Variants in P3H1 observed in about 807,000 individuals in gnomAD.
The protein encoded by P3H1 is prolyl 3-hydroxylase 1.
Under a neutral mutation model 84.0 loss-of-function variants are expected in P3H1, and 69 were observed. The observed-to-expected ratio is 0.82, with a 90% CI of 0.68 to 1.00. The LOEUF is 1.00. Among genes scored for constraint, P3H1 ranks in the 50% least tolerant of loss-of-function variants. The pLI, the probability that P3H1 is intolerant of heterozygous loss-of-function variation, is 0.00. For missense variants in P3H1, 878 were observed against 962.8 expected (o/e 0.91, Z 1.17); for synonymous variants, 366 against 388.8 (o/e 0.94, Z 0.69).
chr1:42,765,553 G>GC (rs1206683220), intron 1 of P3H1, among the ~76,000 whole-genome samples: 13 of 151,946 alleles, frequency 8.6e-5, no homozygotes, highest in Admixed American at 3.3e-4. Context: ...AAGACATAAC[G>GC]CAATTATTTT....
chr1:42,762,183 G>A, intron 2 of P3H1, 140 bp downstream of exon 2: 1 of 818,160 alleles, frequency 1.2e-6, no homozygotes, highest in South Asian at 1.4e-5. Flanking sequence ...AGACTAGAGG[G>A]TCTCTTGAGT....
At chr1:42,762,087 A>C (rs1250238112) in intron 2 of P3H1, 1 of 497,782 alleles carries the variant, frequency 2.0e-6, no homozygotes, top group African/African-American at 1.9e-5. Context: ...TTACTTCTGT[A>C]ATGTAATTAG....
rs1336489716 is a variant in P3H1 at position 42,747,291 on chromosome 1, T to C, written c.2036A>G (p.Asp679Gly). Residue 679 changes from aspartate (D) to glycine (G), a missense_variant, in exon 14 of 15, where the codon GAC (aspartate) becomes GGC (glycine). By Grantham distance (94) the Asp-to-Gly change is moderately conservative (BLOSUM62 -1). Transcript: ENST00000296388. ...TCTCACCCGCTCGCTGTGTCGAGGG[T>C]CCAGGGTGAACCACAGGGCGATGGC... Reference protein sequence around the residue: ...RCAIALWFTLDPRHSERDRVQ... With the variant: ...RCAIALWFTLGPRHSERDRVQ... 6.2e-7 allele frequency: 1 copy of C among 1,613,568 alleles called. No individual in the cohort carries two copies. Among genetic ancestry groups the C allele is most frequent in the South Asian group, 1.1e-5 (1 of 91,072 alleles).
chr1:42,753,181 C>G (rs184460340), intron 8 of P3H1, among the ~76,000 whole-genome samples: 32 of 152,250 alleles, frequency 2.1e-4, no homozygotes, highest in African/African-American at 7.5e-4. Context: ...GTTTGGCTAC[C>G]ATGGTATCAT....
chr1:42,766,807 G>T lies in P3H1; in HGVS notation c.165C>A (p.Val55=), dbSNP rs1188213532. 1.2e-6 allele frequency: 2 copies of T among 1,603,338 alleles called. No homozygotes were observed. The highest frequency in any genetic ancestry group is 1.7e-6 in the Non-Finnish European group (2 of 1,179,514). ...AGCGCAGCGCCCGTTCCATGCTCAG[G>T]ACCACCCCGGGCCAGTCCCCGCGCG... The part of the protein sequence containing the change: ...AYARGDWPGV[V]LSMERALRSR... The change falls in exon 1 of 15, where the codon GTC becomes GTA. Residue 55 remains valine (V), a synonymous_variant. Transcript: ENST00000296388.
rs912635153 is a variant in P3H1 at position 42,766,746 on chromosome 1, G to C, written c.226C>G (p.Arg76Gly). The change falls in exon 1 of 15, where the codon CGC (arginine) becomes GGC (glycine). Residue 76 changes from arginine to glycine, a missense_variant. Coordinates refer to ENST00000296388, the MANE Select transcript of P3H1 (RefSeq NM_022356.4). ...GGGAAGTCGGCGGCACACTGGGTGC[G>C]GCAGCGCAGGCGAAGGGCGCGGAGG... ...AALRALRLRC[R>G]TQCAADFPWE... 6.3e-7 allele frequency: 1 copy of C among 1,581,148 alleles called. No homozygotes were observed. The highest frequency in any genetic ancestry group is 1.3e-5 in the African/African-American group (1 of 74,226).
chr1:42,762,927 A>G (rs984461052), intron 1 of P3H1, among the ~76,000 whole-genome samples: 1 of 152,176 alleles, frequency 6.6e-6, no homozygotes, highest in Admixed American at 6.5e-5. Context: ...CCCTGTCTTT[A>G]CGAAAAATAC....
chr1:42,756,796 G>T (rs922259254), intron 5 of P3H1, among the ~76,000 whole-genome samples: 1 of 152,200 alleles, frequency 6.6e-6, no homozygotes, highest in African/African-American at 2.4e-5. Flanking sequence ...AACAGATTCC[G>T]GTCACCACTG....
intron 8 of P3H1, among the ~76,000 whole-genome samples, chr1:42,753,972 C>T (rs995059065): frequency 6.6e-6 from 1 of 152,094 alleles, no homozygotes; most frequent in Non-Finnish European, 1.5e-5. Context: ...CTCAGATGCC[C>T]TCATGGGCAG....
At chr1:42,766,397 A>C in intron 1 of P3H1, 110 bp downstream of exon 1, 1 of 1,015,156 alleles carries the variant, frequency 9.9e-7, no homozygotes, top group Non-Finnish European at 1.5e-6. Context: ...CCAGGAGGCC[A>C]CTTTCCCCTC....
intron 1 of P3H1, among the ~76,000 whole-genome samples, chr1:42,763,672 CAAAAAAAA>C (rs766034061): frequency 3.1e-4 from 13 of 41,518 alleles, no homozygotes; most frequent in African/African-American, 5.4e-4. Context: ...ACTCTTGTCT[CAAAAAAAA>C]AAAAAAAAAA....
chr1:42,746,940 A>G (rs1651749369), intron 14 of P3H1, 88 bp from the exon 15 acceptor site: 1 of 1,614,138 alleles, frequency 6.2e-7, no homozygotes, highest in East Asian at 2.2e-5. Context: ...GGGACAAGGA[A>G]GGTTCCTTAA....
rs370838475 is a variant in P3H1 at position 42,750,152 on chromosome 1, C to A, written c.1720+34G>T. On this transcript the variant is annotated intron_variant, in intron 11 of 14. Coordinates refer to ENST00000296388, the MANE Select transcript of P3H1 (RefSeq NM_022356.4). The stretch of plus-strand genomic sequence containing the variant: ...CAGCACAGAGCTGAGGTACAGCATG[C>A]GGGGGCGGGTGCTGCAGGGGTAATG... The A allele has an allele frequency of 2.5e-6, 4 of 1,604,076 alleles. No homozygotes were observed. The South Asian group carries it at 4.5e-5, about 18-fold the overall frequency.
At chr1:42,747,211 G>T in intron 14 of P3H1, 61 bp downstream of exon 14, 1 of 1,614,172 alleles carries the variant, frequency 6.2e-7, no homozygotes, top group African/African-American at 1.3e-5. Context: ...GCAAACCAAG[G>T]GCGCTCTGGG....
At position 42,747,176 on chromosome 1, in the gene P3H1, G is replaced by T. The variant is rs551229101; in HGVS notation, c.2055+96C>A. 5.6e-6 allele frequency: 9 copies of T among 1,614,202 alleles called. No individual in the cohort carries two copies. In the Admixed American group the frequency reaches 1.2e-4, roughly 21 times the overall value. On this transcript the variant is annotated intron_variant, in intron 14 of 14. Coordinates refer to ENST00000296388, the MANE Select transcript of P3H1 (RefSeq NM_022356.4). Reference sequence around the variant, plus strand: ...TGCTCCTTTCGTGTCTCAGCCACTGGCAATGGGATTTGGGGAAGAGAAAGG... The same window carrying T: ...TGCTCCTTTCGTGTCTCAGCCACTGTCAATGGGATTTGGGGAAGAGAAAGG...
intron 11 of P3H1, 141 bp from the exon 12 acceptor site, chr1:42,748,458 C>A: frequency 1.3e-6 from 1 of 746,570 alleles, no homozygotes; most frequent in Non-Finnish European, 2.4e-6. Flanking sequence ...TTGGCTAAGC[C>A]ACAAGCCTAG....
At position 42,763,594 on chromosome 1, in the gene P3H1, C is replaced by T. The variant is rs1448927213; in HGVS notation, c.466-1119G>A. Among the ~76,000 whole-genome samples, 3 of 145,980 alleles carry T rather than the reference C, an allele frequency of 2.1e-5. No homozygotes were observed. In the Admixed American group the frequency reaches 2.1e-4, roughly 10 times the overall value. ...GGCTGAAGCAGGAGAATCGCTTGAA[C>T]CCGGGAGGCGGAGGTTACAGCGAGC... On this transcript the variant is annotated intron_variant, in intron 1 of 14. Coordinates refer to ENST00000296388, the MANE Select transcript of P3H1 (RefSeq NM_022356.4).
At position 42,754,929 on chromosome 1, in the gene P3H1, C is replaced by A. The variant is rs141759655; in HGVS notation, c.1285G>T (p.Glu429Ter). 1 of 1,614,180 alleles carries A rather than the reference C, an allele frequency of 6.2e-7. No homozygotes were observed. Among genetic ancestry groups the A allele is most frequent in the Non-Finnish European group, 8.5e-7 (1 of 1,180,038 alleles). The part of the protein sequence containing the change: ...QEIGNLMKEI[E>*]TLVEEKTKES... ...TTGGTCTTCTCTTCCACAAGGGTCT[C>A]GATTTCCTTCATAAGGTTCCCAATC... The change falls in exon 8 of 15, where the codon GAG becomes TAG. Residue 429 changes from glutamate to a stop codon, truncating the protein, a stop_gained. Transcript: ENST00000296388. LOFTEE classifies it high-confidence loss of function. This position sits in a 1 kb window ranked among gnomAD's most constrained non-coding sequence, Gnocchi z 4.0.
chr1:42,746,505 C>T lies in P3H1; in HGVS notation c.*192G>A. On this transcript the variant is annotated 3_prime_UTR_variant, in exon 15 of 15. Coordinates refer to ENST00000296388, the MANE Select transcript of P3H1 (RefSeq NM_022356.4). Reference sequence around the variant, plus strand: ...TGTGTCCTGAGCCCTCAGCCAGATCCAGGGGGTGCGGTGTCTGGTCATGTC... The same window carrying T: ...TGTGTCCTGAGCCCTCAGCCAGATCTAGGGGGTGCGGTGTCTGGTCATGTC... 1.6e-6 allele frequency: 1 copy of T among 614,884 alleles called. No individual in the cohort carries two copies. Among genetic ancestry groups the T allele is most frequent in the Non-Finnish European group, 2.9e-6 (1 of 347,254 alleles). 38.1% of individuals were successfully genotyped at this position (614,884 alleles called of 1,614,324 possible). A position where few individuals can be genotyped will look rare whatever the true frequency, so the allele number is the denominator to read the frequency against.
Sources: allele counts gnomAD v4.1 joint callset (sites outside exome capture counted in the v4.1 genomes callset), GRCh38; gene constraint gnomAD v4.1.1; non-coding constraint Gnocchi (gnomAD v3.1); transcripts MANE v1.5; gene names NCBI Gene and HGNC (gene_info 2026-07-23, HGNC 2026-07-21).